Variants in MED12L observed in about 807,000 individuals in gnomAD.
The protein encoded by MED12L is mediator complex subunit 12L, also known as mediator of RNA polymerase II transcription subunit 12-like protein.
Under a neutral mutation model 281.3 loss-of-function variants are expected in MED12L, and 60 were observed. The observed-to-expected ratio is 0.21, with a 90% CI of 0.17 to 0.26. The LOEUF (loss-of-function observed/expected upper bound fraction) is 0.26, where lower values mean the gene tolerates loss of function less well. MED12L is among the 10% of genes least tolerant of loss of function. The pLI is 1.00. For synonymous variants in MED12L, 974 were observed against 987.2 expected (o/e 0.99, Z 0.25); for missense variants, 2,146 against 2,680.9 (o/e 0.80, Z 4.41).
chr3:151,109,025 T>A (rs766866713), intron 2 of MED12L, among the ~76,000 whole-genome samples: 3 of 152,108 alleles, frequency 2.0e-5, no homozygotes, highest in Non-Finnish European at 2.9e-5. Context: ...GATTTATGGA[T>A]GCAGTTGGAG....
At chr3:151,198,367 G>C in intron 16 of MED12L, 1 of 983,302 alleles carries the variant, frequency 1.0e-6, no homozygotes, top group Non-Finnish European at 1.4e-6. Flanking sequence ...ATCTTTCAAA[G>C]CTATAATTAA....
At position 151,385,721 on chromosome 3, in the gene MED12L, GA is replaced by G. The variant is rs34514758; in HGVS notation, c.5088+545del. Reference sequence around the variant, plus strand: ...AAGTGAGACCCTGTCTCTGGGGGGGGAAAAAAAAAAAAAAACCTTCCTGTAG... The same window carrying G: ...AAGTGAGACCCTGTCTCTGGGGGGGGAAAAAAAAAAAAAACCTTCCTGTAG... On this transcript the variant is annotated intron_variant, in intron 36 of 44. Transcript: ENST00000687756. 6.6e-4 allele frequency among the ~76,000 whole-genome samples: 78 copies of G among 118,816 alleles called. 1 individual carries two copies. The highest frequency in any genetic ancestry group is 3.5e-3 in the East Asian group (15 of 4,296). The allele number at this position is 118,816 out of a possible 152,430, so 77.9% of individuals were successfully genotyped here.
chr3:151,258,679 G>A (rs748893128), intron 16 of MED12L, among the ~76,000 whole-genome samples: 5 of 151,906 alleles, frequency 3.3e-5, no homozygotes, highest in East Asian at 1.9e-4. Flanking sequence ...GTGAAACCCC[G>A]TCTCTACTAA....
intron 2 of MED12L, among the ~76,000 whole-genome samples, chr3:151,109,581 A>G (rs527259464): frequency 3.9e-5 from 6 of 152,226 alleles, no homozygotes; most frequent in Admixed American, 3.3e-4. Flanking sequence ...CCATGTGCAC[A>G]ATGGTTTGGT....
chr3:151,205,821 C>G (rs1482992353), intron 16 of MED12L, among the ~76,000 whole-genome samples: 4 of 152,118 alleles, frequency 2.6e-5, no homozygotes, highest in Admixed American at 6.5e-5. Context: ...AATCCGGTCC[C>G]CCTTCCCATT....
intron 3 of MED12L, among the ~76,000 whole-genome samples, chr3:151,121,963 C>T (rs1713828687): frequency 6.6e-6 from 1 of 152,104 alleles, no homozygotes. Flanking sequence ...ATCCGCCTGC[C>T]TTGGCTTCCC....
intron 5 of MED12L, among the ~76,000 whole-genome samples, chr3:151,130,412 G>A (rs1715208272): frequency 6.6e-6 from 1 of 152,190 alleles, no homozygotes; most frequent in African/African-American, 2.4e-5. Flanking sequence ...TGTCCCTGCT[G>A]TTACTCTGGC....
At chr3:151,373,643 CCT>C (rs781503390) in intron 27 of MED12L, among the ~76,000 whole-genome samples, 6 of 152,054 alleles carry the variant, frequency 3.9e-5, no homozygotes, top group African/African-American at 9.7e-5. Flanking sequence ...CCTCCTCTCC[CCT>C]GTTTATTTAT....
At chr3:151,166,075 A>C (rs1560112053) in intron 11 of MED12L, 93 bp downstream of exon 11, 3 of 1,081,282 alleles carry the variant, frequency 2.8e-6, no homozygotes, top group African/African-American at 1.6e-5. Flanking sequence ...AACCTTTTCT[A>C]TGAAGTGTAG....
At chr3:151,305,197 A>C (rs1368653620) in intron 16 of MED12L, among the ~76,000 whole-genome samples, 1 of 152,174 alleles carries the variant, frequency 6.6e-6, no homozygotes, top group Admixed American at 6.5e-5. Context: ...GTGGTAGTAA[A>C]GGGCTTGGTT....
At chr3:151,395,885 G>A (rs1714898541) in intron 39 of MED12L, among the ~76,000 whole-genome samples, 1 of 152,322 alleles carries the variant, frequency 6.6e-6, no homozygotes, top group South Asian at 2.1e-4. Flanking sequence ...TATCTCCGTT[G>A]TGTAATTTAC....
intron 16 of MED12L, among the ~76,000 whole-genome samples, chr3:151,247,871 C>T (rs1436020403): frequency 6.6e-6 from 1 of 151,552 alleles, no homozygotes; most frequent in South Asian, 2.1e-4. Flanking sequence ...GCTCTGCCTT[C>T]CCTTAGTTGC....
chr3:151,410,708 A>G (rs140428974), intron 40 of MED12L, among the ~76,000 whole-genome samples: 2 of 152,338 alleles, frequency 1.3e-5, no homozygotes, highest in East Asian at 3.9e-4. Context: ...GAGGATAATG[A>G]ACAGTTACCA....
rs780743730 is a variant in MED12L, at chr3:151,365,094, A to G, written c.3073A>G (p.Ser1025Gly). 1.9e-6 allele frequency: 3 copies of G among 1,614,136 alleles called. No individual in the cohort carries two copies. Among genetic ancestry groups the G allele is most frequent in the South Asian group, 1.1e-5 (1 of 91,084 alleles). The change falls in exon 22 of 45, where the codon AGC becomes GGC. Residue 1025 changes from serine to glycine, a missense_variant. Ser to Gly is a moderately conservative substitution (Grantham distance 56). This residue lies in a region of MED12L where 404 missense variants were observed against 603.5 expected (regional missense o/e 0.67). Coordinates refer to ENST00000687756, the MANE Select transcript of MED12L (RefSeq NM_001393769.1). ...MDFIENPSAR[S>G]INYSMLGKIL... Reference sequence around the variant, plus strand: ...TTTTATTGAGAATCCCTCAGCCCGCAGCATCAACTACTCAATGCTGGGCAA... The same window carrying G: ...TTTTATTGAGAATCCCTCAGCCCGCGGCATCAACTACTCAATGCTGGGCAA...
At chr3:151,336,835 C>T (rs948506651) in intron 16 of MED12L, 1 of 203,936 alleles carries the variant, frequency 4.9e-6, no homozygotes, top group African/African-American at 2.4e-5. Flanking sequence ...AAAGAATTTA[C>T]AACAAAGAAT....
intron 3 of MED12L, among the ~76,000 whole-genome samples, chr3:151,118,489 G>T (rs547508853): frequency 1.3e-5 from 2 of 151,944 alleles, no homozygotes; most frequent in African/African-American, 4.8e-5. Context: ...CGTTACAACC[G>T]CAATTATGTA....
chr3:151,382,828 C>G, intron 33 of MED12L, 83 bp downstream of exon 33: 2 of 1,070,882 alleles, frequency 1.9e-6, no homozygotes, highest in Non-Finnish European at 2.8e-6. Context: ...CTCCTAAGTG[C>G]AAAGTCTGCA....
Position 151,292,750 on chromosome 3 carries a change from TTAG to T in MED12L, c.2251-57305_2251-57303del, listed in dbSNP as rs772111927. 1.6e-4 allele frequency among the ~76,000 whole-genome samples: 24 copies of T among 152,200 alleles called. 1 individual carries two copies. Among genetic ancestry groups the T allele is most frequent in the Non-Finnish European group, 3.1e-4 (21 of 68,014 alleles). ...ACCACGCCCGGCTGATTTTGTATTTTTAGTAGAGACGGGGTTTCTCCATGTTGG... is the reference window on the plus strand; with the variant it reads ...ACCACGCCCGGCTGATTTTGTATTTTTAGAGACGGGGTTTCTCCATGTTGG... On this transcript the variant is annotated intron_variant, in intron 16 of 44. Coordinates refer to ENST00000687756, the MANE Select transcript of MED12L (RefSeq NM_001393769.1).
intron 2 of MED12L, among the ~76,000 whole-genome samples, chr3:151,101,538 A>G (rs1378539890): frequency 6.6e-6 from 1 of 152,154 alleles, no homozygotes; most frequent in Non-Finnish European, 1.5e-5. Context: ...AGAGGGCTGG[A>G]TACATGGAGG....
Sources: gnomAD v4.1 joint callset for allele counts (sites outside exome capture counted in the v4.1 genomes callset) on GRCh38, gnomAD v4.1.1 for gene constraint, gnomAD v4.1.1 regional missense constraint, MANE v1.5 for transcripts, NCBI Gene and HGNC (gene_info 2026-07-23, HGNC 2026-07-21) for gene names.